Variants in ALMS1 observed in about 807,000 individuals in gnomAD.
The protein encoded by ALMS1 is ALMS1 centrosome and basal body associated protein.
A neutral mutation model predicts 352.2 loss-of-function variants in ALMS1; 271 were observed. The ratio of observed to expected loss-of-function variants is 0.77; its 90% CI spans 0.70 to 0.85. ALMS1 has a LOEUF of 0.85. Ranked by LOEUF, ALMS1 falls within the 40% of genes least tolerant of loss-of-function variation. ALMS1 has a pLI of 0.00. For synonymous variants in ALMS1, 1,865 were observed against 1,761.2 expected (o/e 1.06, Z -1.48); for missense variants, 5,445 against 4,870.7 (o/e 1.12, Z -3.51).
At chr2:73,420,914 C>G (rs1215212670) in intron 3 of ALMS1, among the ~76,000 whole-genome samples, 1 of 152,064 alleles carries the variant, frequency 6.6e-6, no homozygotes, top group African/African-American at 2.4e-5. Context: ...TGGTTAGATA[C>G]CTCAAAAAAG....
intron 10 of ALMS1, among the ~76,000 whole-genome samples, chr2:73,511,261 G>A (rs535149240): frequency 2.0e-5 from 3 of 152,042 alleles, no homozygotes; most frequent in Admixed American, 1.3e-4. Context: ...CAACTATCTC[G>A]GTGTCTGCCC....
intron 9 of ALMS1, among the ~76,000 whole-genome samples, chr2:73,481,636 G>A (rs1160749296): frequency 2.0e-5 from 3 of 150,344 alleles, no homozygotes; most frequent in Non-Finnish European, 4.4e-5. Flanking sequence ...AGCTTGATGG[G>A]GATGGCATTG....
At chr2:73,562,141 TTGTATGTATGTATGTA>T (rs3076386) in intron 15 of ALMS1, among the ~76,000 whole-genome samples, 1 of 151,214 alleles carries the variant, frequency 6.6e-6, no homozygotes, top group Admixed American at 6.6e-5. Flanking sequence ...GAACTTACAA[TTGTATGTATGTATGTA>T]TGTATGTATG....
intron 11 of ALMS1, among the ~76,000 whole-genome samples, chr2:73,527,745 A>G (rs1408134141): frequency 2.0e-5 from 3 of 151,906 alleles, no homozygotes; most frequent in Admixed American, 6.5e-5. Context: ...TCTCATATCA[A>G]TTTTATGTAT....
Position 73,395,081 on chromosome 2 carries a change from T to A in ALMS1, c.324+8889T>A, listed in dbSNP as rs1330990134. Among the ~76,000 whole-genome samples the A allele has an allele frequency of 1.5e-3, 184 of 123,054 alleles. 4 individuals are homozygous for A. Among genetic ancestry groups the A allele is most frequent in the East Asian group, 3.5e-3 (16 of 4,634 alleles). 80.7% of individuals were successfully genotyped at this position (123,054 alleles called of 152,430 possible). On this transcript the variant is annotated intron_variant, in intron 1 of 22. Transcript: ENST00000613296. ...ATGTGTATATATATATATATATATT[T>A]TTTTTTTTTTTTTTTTTTGAGACAG...
intron 1 of ALMS1, among the ~76,000 whole-genome samples, chr2:73,388,539 C>T (rs529840463): frequency 6.6e-6 from 1 of 152,158 alleles, no homozygotes; most frequent in South Asian, 2.1e-4. Context: ...CCCATTGTAC[C>T]CACTTGTCTT....
chr2:73,533,462 T>A (rs1161952556), intron 11 of ALMS1, among the ~76,000 whole-genome samples: 1 of 152,224 alleles, frequency 6.6e-6, no homozygotes, highest in Non-Finnish European at 1.5e-5. Flanking sequence ...CTAGAGTAAC[T>A]GCTACAGCTA....
chr2:73,417,779 A>T (rs1017703930), intron 2 of ALMS1, among the ~76,000 whole-genome samples: 3 of 152,228 alleles, frequency 2.0e-5, no homozygotes, highest in African/African-American at 7.2e-5. Flanking sequence ...TTTGAAAATG[A>T]AAATACTTTC....
intron 9 of ALMS1, among the ~76,000 whole-genome samples, chr2:73,465,214 A>G (rs1287615205): frequency 1.3e-5 from 2 of 152,248 alleles, no homozygotes; most frequent in East Asian, 1.9e-4. Flanking sequence ...AGCTGGAGGC[A>G]TCACACTACC....
chr2:73,602,412 G>T (rs1219065757), intron 20 of ALMS1, 44 bp downstream of exon 20: 1 of 1,609,622 alleles, frequency 6.2e-7, no homozygotes, highest in Non-Finnish European at 8.5e-7. Context: ...AATAGAGAAG[G>T]CAAGGTCTGC....
intron 13 of ALMS1, among the ~76,000 whole-genome samples, chr2:73,556,208 C>T (rs993067391): frequency 1.3e-5 from 2 of 151,840 alleles, no homozygotes; most frequent in Admixed American, 6.6e-5. Flanking sequence ...TTTTAATGAT[C>T]TAAAAATTTC....
chr2:73,407,985 CTCTTTTTGTGGT>C (rs1558633134), intron 1 of ALMS1, among the ~76,000 whole-genome samples: 2 of 151,920 alleles, frequency 1.3e-5, no homozygotes, highest in African/African-American at 4.8e-5. Context: ...TCTCTACCTG[CTCTTTTTGTGGT>C]TGTTTCTGCT....
chr2:73,603,454 G>GAAA, intron 21 of ALMS1, 150 bp downstream of exon 21: 7 of 567,342 alleles, frequency 1.2e-5, no homozygotes, highest in African/African-American at 4.0e-5. Context: ...TTATGGCACT[G>GAAA]AAAAAAAAAA....
chr2:73,419,388 G>A (rs1245815070), intron 3 of ALMS1, 70 bp downstream of exon 3: 11 of 1,462,480 alleles, frequency 7.5e-6, no homozygotes, highest in African/African-American at 1.4e-5. Flanking sequence ...TGCAAGTCTT[G>A]TAACTTTCCC....
chr2:73,399,826 T>C (rs906808685), intron 1 of ALMS1, among the ~76,000 whole-genome samples: 2 of 152,148 alleles, frequency 1.3e-5, no homozygotes, highest in African/African-American at 2.4e-5. Flanking sequence ...CCTCTATTCC[T>C]ATTTTAATGA....
chr2:73,396,705 C>T (rs1317229639), intron 1 of ALMS1, among the ~76,000 whole-genome samples: 8 of 148,010 alleles, frequency 5.4e-5, no homozygotes, highest in South Asian at 2.1e-4. Flanking sequence ...GGTGCAGTGG[C>T]GCGATCTCAG....
At chr2:73,436,540 G>T (rs1400614110) in intron 7 of ALMS1, among the ~76,000 whole-genome samples, 2 of 152,060 alleles carry the variant, frequency 1.3e-5, no homozygotes, top group East Asian at 3.9e-4. Context: ...CCCTAATCTT[G>T]TCTCACTGGT....
chr2:73,493,366 C>T (rs1365446339), intron 10 of ALMS1, among the ~76,000 whole-genome samples: 1 of 151,544 alleles, frequency 6.6e-6, no homozygotes, highest in East Asian at 1.9e-4. Flanking sequence ...CACACACACA[C>T]ACACACACAC....
At chr2:73,404,824 G>A (rs1670940635) in intron 1 of ALMS1, among the ~76,000 whole-genome samples, 1 of 137,626 alleles carries the variant, frequency 7.3e-6, no homozygotes, top group Admixed American at 7.4e-5. Flanking sequence ...TTTTGGGATT[G>A]TTTCAGGAGG....
Sources: gnomAD v4.1 joint callset for allele counts (sites outside exome capture counted in the v4.1 genomes callset) on GRCh38, gnomAD v4.1.1 for gene constraint, MANE v1.5 for transcripts, NCBI Gene and HGNC (gene_info 2026-07-23, HGNC 2026-07-21) for gene names.